The following MAGI2 variants were observed in gnomAD, a reference collection of about 807,000 sequenced individuals.
The protein encoded by MAGI2 is membrane associated guanylate kinase, WW and PDZ domain containing 2.
MAGI2 carries 35 observed loss-of-function variants against 133.3 expected under a neutral mutation model. The observed-to-expected ratio is 0.26, with a 90% CI of 0.20 to 0.35. The LOEUF (loss-of-function observed/expected upper bound fraction) is 0.35. MAGI2 is among the 10% of genes least tolerant of loss of function. The pLI, the probability that MAGI2 is intolerant of heterozygous loss-of-function variation, is 1.00. For synonymous variants in MAGI2, 729 were observed against 710.6 expected (o/e 1.03, Z -0.41); for missense variants, 1,636 against 1,863.4 (o/e 0.88, Z 2.25).
intron 1 of MAGI2, among the ~76,000 whole-genome samples, chr7:79,382,817 C>T (rs1260895717): frequency 6.8e-6 from 1 of 146,428 alleles, no homozygotes; most frequent in Non-Finnish European, 1.5e-5. Context: ...TTGCTGACCC[C>T]TTGAACCTTA....
rs551879217 is a variant in MAGI2 at position 78,022,001 on chromosome 7, G to A, written c.3707-2025C>T. On this transcript the variant is annotated intron_variant, in intron 21 of 21. Coordinates refer to ENST00000354212, the MANE Select transcript of MAGI2 (RefSeq NM_012301.4). ...GCCTCATTAACTAGTACCTTTGCAGGTGAGGTTTTGAATAAGTGCAATAAG... is the reference window on the plus strand; with the variant it reads ...GCCTCATTAACTAGTACCTTTGCAGATGAGGTTTTGAATAAGTGCAATAAG... 1.2e-4 allele frequency among the ~76,000 whole-genome samples: 19 copies of A among 152,338 alleles called. No homozygotes were observed. The South Asian group carries it at 3.9e-3, about 32-fold the overall frequency.
intron 6 of MAGI2, among the ~76,000 whole-genome samples, chr7:78,480,947 G>T (rs1173167059): frequency 6.6e-6 from 1 of 151,916 alleles, no homozygotes; most frequent in African/African-American, 2.4e-5. Context: ...GGCTTATCAT[G>T]TTCATGGATT....
intron 1 of MAGI2, among the ~76,000 whole-genome samples, chr7:79,222,449 A>G (rs1176200038): frequency 1.3e-5 from 2 of 152,084 alleles, no homozygotes; most frequent in African/African-American, 4.8e-5. Context: ...AGGAAAACAG[A>G]CTATATTACA....
chr7:79,355,224 A>G (rs1044486483), intron 1 of MAGI2, among the ~76,000 whole-genome samples: 2 of 152,194 alleles, frequency 1.3e-5, no homozygotes, highest in African/African-American at 4.8e-5. Flanking sequence ...TTCCCCAGGC[A>G]GCATAAAAGA....
At chr7:79,228,354 C>CAAAGAAAAAAAAAAAAAAAA (rs1831046877) in intron 1 of MAGI2, among the ~76,000 whole-genome samples, 1 of 31,438 alleles carries the variant, frequency 3.2e-5, no homozygotes, top group African/African-American at 7.5e-5. Flanking sequence ...AAAAAACAGG[C>CAAAGAAAAAAAAAAAAAAAA]AAAAAAAAAA....
chr7:78,865,760 C>A (rs992824242), intron 2 of MAGI2, among the ~76,000 whole-genome samples: 3 of 152,012 alleles, frequency 2.0e-5, no homozygotes, highest in South Asian at 2.1e-4. Context: ...TAAATTTAGC[C>A]AATTCTTTTC....
At chr7:78,553,400 C>T (rs1457719294) in intron 3 of MAGI2, among the ~76,000 whole-genome samples, 1 of 152,142 alleles carries the variant, frequency 6.6e-6, no homozygotes, top group Non-Finnish European at 1.5e-5. Flanking sequence ...GGAAATGCAA[C>T]TGAGTTCTAA....
chr7:79,251,875 A>T (rs1382784627), intron 1 of MAGI2, among the ~76,000 whole-genome samples: 1 of 152,098 alleles, frequency 6.6e-6, no homozygotes, highest in Non-Finnish European at 1.5e-5. Flanking sequence ...TTAAAAAAAA[A>T]AGTGGACATG....
rs771918590 is a variant in MAGI2, at chr7:78,882,086, C to CAAAAAAAAAAAAAAA, written c.418+124989_418+125003dup. Among the ~76,000 whole-genome samples the CAAAAAAAAAAAAAAA allele has an allele frequency of 2.2e-3, 27 of 12,458 alleles. 1 individual carries two copies. Among genetic ancestry groups the CAAAAAAAAAAAAAAA allele is most frequent in the Admixed American group, 2.7e-3 (2 of 736 alleles). The allele number at this position is 12,458 out of a possible 152,430, so 8.2% of individuals were successfully genotyped here. A position where few individuals can be genotyped will look rare whatever the true frequency, so the allele number is the denominator to read the frequency against. Reference sequence around the variant, plus strand: ...GCTAGATTAACAACAACAACAACAACAAAAAAAAAAAAAAAAAAAAAAGAA... The same window carrying CAAAAAAAAAAAAAAA: ...GCTAGATTAACAACAACAACAACAACAAAAAAAAAAAAAAAAAAAAAAAAAAAAAAAAAAAAAGAA... On this transcript the variant is annotated intron_variant, in intron 2 of 21. Transcript: ENST00000354212.
chr7:79,314,614 C>T (rs1031625764), intron 1 of MAGI2, among the ~76,000 whole-genome samples: 1 of 152,104 alleles, frequency 6.6e-6, no homozygotes, highest in African/African-American at 2.4e-5. Flanking sequence ...AAATGCATTG[C>T]AGTCTTCCTC....
chr7:78,717,534 A>G (rs540642990), intron 2 of MAGI2, among the ~76,000 whole-genome samples: 1 of 152,272 alleles, frequency 6.6e-6, no homozygotes, highest in Admixed American at 6.5e-5. Flanking sequence ...CTAGCTGTGA[A>G]TGAACTTAGG....
intron 1 of MAGI2, among the ~76,000 whole-genome samples, chr7:79,150,865 G>C (rs1286234216): frequency 1.3e-5 from 2 of 151,566 alleles, no homozygotes; most frequent in Non-Finnish European, 2.9e-5. Flanking sequence ...CTATAAAGTA[G>C]TGGGTTCTTC....
chr7:78,485,952 T>C (rs1792953982), intron 6 of MAGI2: 1 of 151,854 alleles, frequency 6.6e-6, no homozygotes, highest in African/African-American at 2.4e-5. Context: ...AAATAAGCAG[T>C]TTAAAGAAAT....
At chr7:78,294,112 C>A (rs1383789640) in intron 9 of MAGI2, among the ~76,000 whole-genome samples, 1 of 151,984 alleles carries the variant, frequency 6.6e-6, no homozygotes, top group Non-Finnish European at 1.5e-5. Flanking sequence ...GAAATACTTG[C>A]CATTTTCTTT....
chr7:78,853,787 A>G (rs552877509), intron 2 of MAGI2, among the ~76,000 whole-genome samples: 73 of 151,450 alleles, frequency 4.8e-4, no homozygotes, highest in African/African-American at 1.4e-3. Flanking sequence ...ACTAATTTCC[A>G]CATTCACCCC....
chr7:78,501,358 A>C (rs1020202752), intron 5 of MAGI2, among the ~76,000 whole-genome samples: 3 of 152,166 alleles, frequency 2.0e-5, no homozygotes, highest in African/African-American at 7.2e-5. Flanking sequence ...AAGAGATTGT[A>C]GGGTGCTATT....
chr7:79,140,379 C>G (rs1402457692), intron 1 of MAGI2, among the ~76,000 whole-genome samples: 1 of 152,146 alleles, frequency 6.6e-6, no homozygotes, highest in Non-Finnish European at 1.5e-5. Flanking sequence ...ACAAGCTCCT[C>G]AAAAGAATAT....
chr7:78,653,934 G>A (rs1484685601), intron 2 of MAGI2, among the ~76,000 whole-genome samples: 1 of 152,164 alleles, frequency 6.6e-6, no homozygotes, highest in East Asian at 1.9e-4. Context: ...GCAAGAGATA[G>A]TTATAAAATA....
intron 2 of MAGI2, among the ~76,000 whole-genome samples, chr7:78,790,471 T>C (rs988960456): frequency 6.6e-6 from 1 of 152,166 alleles, no homozygotes; most frequent in African/African-American, 2.4e-5. Context: ...TCTCCCTTTG[T>C]TGCCCAGGCT....
Sources: gnomAD v4.1 joint callset for allele counts (sites outside exome capture counted in the v4.1 genomes callset) on GRCh38, gnomAD v4.1.1 for gene constraint, MANE v1.5 for transcripts, NCBI Gene and HGNC (gene_info 2026-07-23, HGNC 2026-07-21) for gene names.